SYNE2: variants seen among roughly 807,000 people sequenced by gnomAD.
SYNE2 encodes the protein spectrin repeat containing nuclear envelope protein 2.
In SYNE2, 431 loss-of-function variants were observed where a neutral mutation model predicts 856.3. The ratio of observed to expected loss-of-function variants is 0.50; its 90% confidence interval spans 0.47 to 0.55. SYNE2 has a LOEUF of 0.55. Among genes scored for constraint, SYNE2 ranks in the 20% least tolerant of loss-of-function variants. SYNE2 has a pLI of 0.00. For synonymous variants in SYNE2, 2,923 were observed against 2,872.3 expected (o/e 1.02, Z -0.56); for missense variants, 8,129 against 8,023.2 (o/e 1.01, Z -0.50).
In SYNE2 at chr14:63,823,039, G is replaced by T. The variant is rs1403012000; in HGVS notation, c.-304-29462G>T. Among the ~76,000 whole-genome samples, 3 of 152,098 alleles carry T rather than the reference G, an allele frequency of 2.0e-5. No homozygotes were observed. The East Asian group carries it at 5.8e-4, about 29-fold the overall frequency. On this transcript the variant is annotated intron_variant, in intron 1 of 23. Coordinates refer to the SYNE2 transcript ENST00000674003. ...AGATCCCTTGGGCCTAGGAGTTCGA[G>T]GTTGCAGTGAGCTATGACCATGCTA...
intron 1 of SYNE2, among the ~76,000 whole-genome samples, chr14:63,900,983 C>T (rs1170596556): frequency 6.6e-6 from 1 of 152,060 alleles, no homozygotes; most frequent in Admixed American, 6.6e-5. Context: ...GGAGAGACAC[C>T]CCAGGGAAAA....
intron 82 of SYNE2, among the ~76,000 whole-genome samples, chr14:64,142,616 C>G (rs557805042): frequency 5.3e-5 from 8 of 152,170 alleles, no homozygotes; most frequent in Non-Finnish European, 1.2e-4. Context: ...TAGCTCCTAT[C>G]ATGCATTATT....
chr14:64,053,123 A>G lies in SYNE2; in HGVS notation c.9210A>G (p.Leu3070=). The part of the protein sequence containing the change: ...LQIKKMTEVV[L]KAPDSSPESR... Reference sequence around the variant, plus strand: ...TTAAGAAAATGACTGAAGTAGTACTAAAAGCTCCTGATAGCTCTCCGGAAA... The same window carrying G: ...TTAAGAAAATGACTGAAGTAGTACTGAAAGCTCCTGATAGCTCTCCGGAAA... The change falls in exon 48 of 116, where the codon CTA becomes CTG. Residue 3070 remains leucine (L), a synonymous_variant. Coordinates refer to ENST00000555002, the MANE Select transcript of SYNE2 (RefSeq NM_182914.3). 1 of 1,614,056 alleles carries G rather than the reference A, an allele frequency of 6.2e-7. No homozygotes were observed. Among genetic ancestry groups the G allele is most frequent in the Non-Finnish European group, 8.5e-7 (1 of 1,179,998 alleles).
intron 1 of SYNE2, among the ~76,000 whole-genome samples, chr14:63,828,145 C>T (rs1203190002): frequency 1.3e-5 from 2 of 150,586 alleles, no homozygotes; most frequent in Non-Finnish European, 3.0e-5. Context: ...TGCCATGAGC[C>T]ATGATCATGC....
chr14:64,130,335 C>G, intron 76 of SYNE2, 87 bp downstream of exon 76: 1 of 1,216,808 alleles, frequency 8.2e-7, no homozygotes. Context: ...ATCCATTTTT[C>G]TTCTTTGTTG....
At chr14:63,831,991 C>T (rs1309368687) in intron 1 of SYNE2, among the ~76,000 whole-genome samples, 1 of 151,850 alleles carries the variant, frequency 6.6e-6, no homozygotes, top group Non-Finnish European at 1.5e-5. Context: ...TTAGATTTTT[C>T]AGTATTTTAT....
chr14:64,126,818 G>A lies in SYNE2; in HGVS notation c.13917+11G>A, dbSNP rs770528846. 3.2e-5 allele frequency: 51 copies of A among 1,608,012 alleles called. No individual in the cohort carries two copies. The highest frequency in any genetic ancestry group is 4.5e-5 in the East Asian group (2 of 44,884). ...AACCGCAGTTACCAGGTATGATTCCGAGCACACAGCCTATTTTGGCACTGT... is the reference window on the plus strand; with the variant it reads ...AACCGCAGTTACCAGGTATGATTCCAAGCACACAGCCTATTTTGGCACTGT... On this transcript the variant is annotated intron_variant, in intron 73 of 115. Coordinates refer to ENST00000555002, the MANE Select transcript of SYNE2 (RefSeq NM_182914.3).
rs1417310593 is a variant in SYNE2, at chr14:64,218,218, C to T, written c.19543-180C>T. ...TTAGCTGAGGCTTTATTTCTGCCAT[C>T]AGCTTTGCCAGCTTATAAATGCTAC... On this transcript the variant is annotated intron_variant, in intron 108 of 115. Transcript: ENST00000555002. The T allele has an allele frequency of 1.8e-5, 11 of 599,892 alleles. No individual in the cohort carries two copies. In the East Asian group the frequency reaches 3.5e-4, roughly 19 times the overall value. The allele number at this position is 599,892 out of a possible 1,614,324, so 37.2% of individuals were successfully genotyped here. A position where few individuals can be genotyped will look rare whatever the true frequency, so the allele number is the denominator to read the frequency against.
At chr14:63,849,265 CTTT>C (rs35001530), upstream of SYNE2, among the ~76,000 whole-genome samples, 36 of 127,076 alleles carry the variant, frequency 2.8e-4, no homozygotes, top group Admixed American at 3.2e-4. Context: ...AGTTAATCTC[CTTT>C]TTTTTTTTTT....
intron 1 of SYNE2, among the ~76,000 whole-genome samples, chr14:63,771,125 A>G (rs998584468): frequency 1.4e-5 from 2 of 138,776 alleles, no homozygotes; most frequent in Admixed American, 8.1e-5. Flanking sequence ...GCGGGAGCGC[A>G]GTGGCGCAAT....
chr14:64,127,807 C>A (rs2097963596), intron 73 of SYNE2, among the ~76,000 whole-genome samples: 1 of 152,162 alleles, frequency 6.6e-6, no homozygotes, highest in African/African-American at 2.4e-5. Context: ...CCAAGTAAAA[C>A]AGACACAAGA....
chr14:63,949,075 G>A (rs1034041627), intron 6 of SYNE2, among the ~76,000 whole-genome samples: 10 of 151,644 alleles, frequency 6.6e-5, no homozygotes, highest in Non-Finnish European at 1.3e-4. Context: ...CTGTTATTAT[G>A]GATTGTCTGA....
At chr14:64,095,172 G>A (rs947446628) in intron 61 of SYNE2, 1 of 170,248 alleles carries the variant, frequency 5.9e-6, no homozygotes, top group Non-Finnish European at 1.5e-5. Flanking sequence ...GAAGCATGTA[G>A]TTTTGTTTTA....
chr14:64,118,355 C>T (rs2097868076), intron 66 of SYNE2, among the ~76,000 whole-genome samples: 1 of 152,102 alleles, frequency 6.6e-6, no homozygotes, highest in South Asian at 2.1e-4. Flanking sequence ...TTACTTCATC[C>T]AGCTGATATA....
At chr14:64,224,871 G>C in intron 114 of SYNE2, 128 bp from the exon 115 acceptor site, 1 of 854,698 alleles carries the variant, frequency 1.2e-6, no homozygotes, top group Non-Finnish European at 1.9e-6. Flanking sequence ...TATTACTCTA[G>C]TCTCCAAAGT....
intron 66 of SYNE2, among the ~76,000 whole-genome samples, chr14:64,117,150 A>G (rs2097859118): frequency 6.6e-6 from 1 of 152,182 alleles, no homozygotes; most frequent in Non-Finnish European, 1.5e-5. Context: ...TGAGATGGCT[A>G]CAGAGTGAGT....
At chr14:63,960,590 A>G in intron 8 of SYNE2, 2 of 575,216 alleles carry the variant, frequency 3.5e-6, no homozygotes, top group Non-Finnish European at 6.3e-6. Context: ...AACTTAATTA[A>G]TAAATAAACA....
chr14:64,029,808 C>A (rs911362477), intron 43 of SYNE2, 87 bp from the exon 44 acceptor site: 7 of 1,423,144 alleles, frequency 4.9e-6, no homozygotes, highest in African/African-American at 1.4e-5. Context: ...AACTGGTAAA[C>A]AAGTATTTAT....
At chr14:64,024,868 CT>C in intron 39 of SYNE2, 43 bp from the exon 40 acceptor site, 1 of 1,610,876 alleles carries the variant, frequency 6.2e-7, no homozygotes, top group Non-Finnish European at 8.5e-7. Context: ...GGTATAAACA[CT>C]TTTTGCTTAT....
Sources: allele counts gnomAD v4.1 joint callset (sites outside exome capture counted in the v4.1 genomes callset), GRCh38; gene constraint gnomAD v4.1.1; transcripts MANE v1.5; gene names NCBI Gene and HGNC (gene_info 2026-07-23, HGNC 2026-07-21).